MID1: variants seen among roughly 807,000 people sequenced by gnomAD.
MID1 encodes the protein midline 1.
A neutral mutation model predicts 40.4 loss-of-function variants in MID1; 7 were observed. That is an observed-to-expected ratio of 0.17 (90% confidence interval 0.10 to 0.33). The LOEUF is 0.33. Ranked by LOEUF, MID1 falls within the 10% of genes least tolerant of loss-of-function variation. The pLI, the probability that MID1 is intolerant of heterozygous loss-of-function variation, is 1.00. For missense variants in MID1, 367 were observed against 558.5 expected (o/e 0.66, Z 3.46); for synonymous variants, 229 against 221.2 (o/e 1.04, Z -0.31).
chrX:10,561,536 A>G (rs1162446780), intron 2 of MID1, among the ~76,000 whole-genome samples: 2 of 106,670 alleles, frequency 1.9e-5, no homozygotes, highest in Non-Finnish European at 3.8e-5. Context: ...AAATCAAACA[A>G]CCCCATCAAA....
rs748385663 is a variant in MID1, at chrX:10,533,391, AAAAGAAAG to A, written c.661-10212_661-10205del. On this transcript the variant is annotated intron_variant, in intron 2 of 9. Transcript: ENST00000317552. ...AAGAAAGAAAGAAAAAGAAAGAAAG[AAAAGAAAG>A]AAAGAAAGAAAGAAAGAAAGAAAGA... 9.5e-3 allele frequency among the ~76,000 whole-genome samples: 525 copies of A among 55,024 alleles called. 1 individual carries two copies. Among genetic ancestry groups the A allele is most frequent in the African/African-American group, 0.011 (145 of 12,804 alleles). The allele number at this position is 55,024 out of a possible 115,157, so 47.8% of individuals were successfully genotyped here. A position where few individuals can be genotyped will look rare whatever the true frequency, so the allele number is the denominator to read the frequency against.
chrX:10,785,272 C>T (rs1384204595), intron 1 of MID1, among the ~76,000 whole-genome samples: 3 of 109,778 alleles, frequency 2.7e-5, no homozygotes, highest in African/African-American at 1.0e-4. Context: ...ATGTGAAGGA[C>T]CTCTTCAAGG....
intron 1 of MID1, among the ~76,000 whole-genome samples, chrX:10,636,597 A>G (rs1046265024): frequency 3.7e-5 from 4 of 107,747 alleles, no homozygotes; most frequent in African/African-American, 1.4e-4. Context: ...CCACCTTACT[A>G]GTGTTCTCTT....
chrX:10,796,744 T>G (rs189002959), intron 1 of MID1, among the ~76,000 whole-genome samples: 2 of 110,529 alleles, frequency 1.8e-5, no homozygotes, highest in African/African-American at 6.6e-5. Context: ...GGGTGGAGTG[T>G]GTGGAAAGTC....
At chrX:10,602,846 C>G (rs1459274079) in intron 1 of MID1, among the ~76,000 whole-genome samples, 1 of 111,849 alleles carries the variant, frequency 8.9e-6, no homozygotes. Flanking sequence ...CAAATATTTA[C>G]AGAGCACCTG....
intron 1 of MID1, among the ~76,000 whole-genome samples, chrX:10,593,762 G>GACACACACACACACACACAC (rs57390547): frequency 1.2e-5 from 1 of 83,337 alleles, no homozygotes; most frequent in Non-Finnish European, 2.4e-5. Flanking sequence ...CTGTCCCTCT[G>GACACACACACACACACACAC]ACACACACAC....
chrX:10,603,253 A>G (rs1336191559), intron 1 of MID1, among the ~76,000 whole-genome samples: 1 of 111,810 alleles, frequency 8.9e-6, no homozygotes, highest in East Asian at 2.8e-4. Flanking sequence ...GCCATGGGGT[A>G]TCAGACAAGC....
chrX:10,510,331 G>A (rs1932053833), intron 3 of MID1, among the ~76,000 whole-genome samples: 2 of 111,204 alleles, frequency 1.8e-5, no homozygotes, highest in East Asian at 5.6e-4. Context: ...CCCTCGAGCC[G>A]CTCTTCAGGT....
chrX:10,660,320 G>A (rs2042901984), intron 1 of MID1, among the ~76,000 whole-genome samples: 1 of 112,577 alleles, frequency 8.9e-6, no homozygotes, highest in African/African-American at 3.2e-5. Context: ...TGTTATTGAC[G>A]ATGGAGCACA....
At chrX:10,699,806 A>G (rs1429739331) in intron 1 of MID1, among the ~76,000 whole-genome samples, 1 of 111,156 alleles carries the variant, frequency 9.0e-6, no homozygotes, top group African/African-American at 3.3e-5. Flanking sequence ...GTAGATTAGG[A>G]AAAGTGGCTA....
In MID1 at chrX:10,454,939, C is replaced by G. The variant is rs1339873549; in HGVS notation, c.1586G>C (p.Gly529Ala). The G allele has an allele frequency of 6.6e-6, 8 of 1,208,857 alleles. No homozygotes were observed. Among genetic ancestry groups the G allele is most frequent in the Non-Finnish European group, 6.7e-6 (6 of 894,259 alleles). ...PERFTSQGSY[G>A]VAGNVFIDSG... Reference sequence around the variant, plus strand: ...ATCAATAAACACATTTCCAGCTACTCCATAGCTCCCCTGGCTGGTGAAGCG... The same window carrying G: ...ATCAATAAACACATTTCCAGCTACTGCATAGCTCCCCTGGCTGGTGAAGCG... Residue 529 changes from glycine (G) to alanine (A), a missense_variant, in exon 9 of 10, where the codon GGA becomes GCA. Gly to Ala is a moderately conservative substitution (Grantham distance 60, BLOSUM62 0). Coordinates refer to ENST00000317552, the MANE Select transcript of MID1 (RefSeq NM_000381.4).
chrX:10,491,375 T>C (rs1232676300), intron 4 of MID1, among the ~76,000 whole-genome samples: 1 of 111,112 alleles, frequency 9.0e-6, no homozygotes, highest in Non-Finnish European at 1.9e-5. Context: ...TTGTGCTTTT[T>C]CTAGCTTTAT....
chrX:10,643,507 A>G lies in MID1; in HGVS notation c.-186-23088T>C, dbSNP rs760027030. Among the ~76,000 whole-genome samples, 5 of 112,190 alleles carry G rather than the reference A, an allele frequency of 4.5e-5. No homozygotes were observed. In the East Asian group the frequency reaches 1.4e-3, roughly 31 times the overall value. ...TTACAATGGCGATCATTAAAAAGTC[A>G]GGAAACAACAGGTGCTGGAGAGCAT... On this transcript the variant is annotated intron_variant, in intron 1 of 10. Transcript: ENST00000380785.
intron 1 of MID1, among the ~76,000 whole-genome samples, chrX:10,645,627 G>T (rs897686368): frequency 2.7e-5 from 3 of 112,184 alleles, no homozygotes; most frequent in African/African-American, 6.5e-5. Flanking sequence ...AACCACTAGG[G>T]TTTACTAAGC....
intron 3 of MID1, among the ~76,000 whole-genome samples, chrX:10,519,986 T>C (rs1932629247): frequency 1.8e-5 from 2 of 112,311 alleles, no homozygotes; most frequent in African/African-American, 6.5e-5. Context: ...TTTACACTGA[T>C]AGGATCTTTC....
chrX:10,552,746 C>T (rs1461678562), intron 2 of MID1, among the ~76,000 whole-genome samples: 3 of 111,196 alleles, frequency 2.7e-5, no homozygotes, highest in Admixed American at 9.6e-5. Flanking sequence ...CAAGGAATAA[C>T]AATAGTGATG....
chrX:10,479,802 C>A (rs1366238870), intron 5 of MID1, among the ~76,000 whole-genome samples: 1 of 112,021 alleles, frequency 8.9e-6, no homozygotes, highest in East Asian at 2.8e-4. Context: ...GCAGCAAACA[C>A]AGGAGTGAGG....
intron 1 of MID1, among the ~76,000 whole-genome samples, chrX:10,738,740 T>C (rs1003175428): frequency 7.2e-5 from 8 of 111,013 alleles, no homozygotes; most frequent in African/African-American, 2.6e-4. Flanking sequence ...ATACTGATAC[T>C]ACAGTTATTT....
intron 1 of MID1, among the ~76,000 whole-genome samples, chrX:10,587,052 A>G (rs1935157111): frequency 8.9e-6 from 1 of 112,734 alleles, no homozygotes; most frequent in East Asian, 2.8e-4. Context: ...TTTGATTTCA[A>G]GCTTTACATT....
Sources: allele counts gnomAD v4.1 joint callset (sites outside exome capture counted in the v4.1 genomes callset), GRCh38; gene constraint gnomAD v4.1.1; transcripts MANE v1.5; gene names NCBI Gene and HGNC (gene_info 2026-07-23, HGNC 2026-07-21).